CBLB: variants seen among roughly 807,000 people sequenced by gnomAD.
The protein encoded by CBLB is Cbl proto-oncogene B, also known as E3 ubiquitin-protein ligase CBL-B.
CBLB carries 31 observed loss-of-function variants against 104.9 expected under a neutral mutation model. The ratio of observed to expected loss-of-function variants is 0.30; its 90% confidence interval spans 0.22 to 0.40. CBLB has a LOEUF of 0.40. CBLB is among the 10% of genes least tolerant of loss of function. The probability of loss-of-function intolerance (pLI) is 1.00; values close to 1 mark genes in which losing one functional copy is unlikely to be tolerated. For missense variants in CBLB, 1,062 were observed against 1,214.6 expected (o/e 0.87, Z 1.87); for synonymous variants, 440 against 422.6 (o/e 1.04, Z -0.51).
intron 4 of CBLB, among the ~76,000 whole-genome samples, chr3:105,769,353 G>T (rs964244152): frequency 6.6e-6 from 1 of 152,042 alleles, no homozygotes; most frequent in Non-Finnish European, 1.5e-5. Context: ...AACATTCCAG[G>T]AAACGTGTCA....
intron 3 of CBLB, among the ~76,000 whole-genome samples, chr3:105,820,013 T>G (rs1461185667): frequency 6.6e-6 from 1 of 152,150 alleles, no homozygotes; most frequent in Admixed American, 6.5e-5. Flanking sequence ...TAATATATAA[T>G]GAAATAATTA....
At chr3:105,825,189 T>C (rs1429524193) in intron 3 of CBLB, among the ~76,000 whole-genome samples, 1 of 152,144 alleles carries the variant, frequency 6.6e-6, no homozygotes, top group East Asian at 1.9e-4. Context: ...CTGTAACATA[T>C]ACTAGTGGGA....
intron 2 of CBLB, among the ~76,000 whole-genome samples, chr3:105,865,009 A>T (rs996810978): frequency 6.6e-6 from 1 of 152,224 alleles, no homozygotes; most frequent in Non-Finnish European, 1.5e-5. Flanking sequence ...CCTACCAATT[A>T]GACTTGAAAA....
intron 3 of CBLB, among the ~76,000 whole-genome samples, chr3:105,814,486 T>C (rs2084741892): frequency 6.6e-6 from 1 of 152,174 alleles, no homozygotes; most frequent in African/African-American, 2.4e-5. Context: ...CTTCCACCAC[T>C]GAATATATTG....
At position 105,700,173 on chromosome 3, in the gene CBLB, A is replaced by G. The variant is rs557498310; in HGVS notation, c.1959+1921T>C. On this transcript the variant is annotated intron_variant, in intron 12 of 18. Coordinates refer to ENST00000394030, the MANE Select transcript of CBLB (RefSeq NM_170662.5). Reference sequence around the variant, plus strand: ...TAATAAAATAAAAACAGTATCTCATACCAATAACCTAAGAAATTGGGGTAA... The same window carrying G: ...TAATAAAATAAAAACAGTATCTCATGCCAATAACCTAAGAAATTGGGGTAA... 1.9e-4 allele frequency among the ~76,000 whole-genome samples: 29 copies of G among 152,270 alleles called. No individual in the cohort carries two copies. In the South Asian group the frequency reaches 6.0e-3, roughly 32 times the overall value.
At chr3:105,868,219 T>A (rs139104833) in intron 1 of CBLB, 1 of 1,232,590 alleles carries the variant, frequency 8.1e-7, no homozygotes, top group South Asian at 4.1e-5. Flanking sequence ...CCAAATGAAA[T>A]TAACACACAA....
intron 4 of CBLB, among the ~76,000 whole-genome samples, chr3:105,768,782 G>A (rs946964943): frequency 2.0e-5 from 3 of 152,118 alleles, no homozygotes; most frequent in South Asian, 2.1e-4. Context: ...CATAGATCAC[G>A]TAGAAGGGTG....
At chr3:105,865,274 T>C (rs1422879531) in intron 2 of CBLB, among the ~76,000 whole-genome samples, 5 of 152,212 alleles carry the variant, frequency 3.3e-5, no homozygotes, top group Non-Finnish European at 7.4e-5. Flanking sequence ...ATTTACTGTA[T>C]CTTACAGTAA....
At chr3:105,752,984 T>C (rs770117260) in intron 4 of CBLB, among the ~76,000 whole-genome samples, 2 of 152,178 alleles carry the variant, frequency 1.3e-5, no homozygotes, top group Non-Finnish European at 2.9e-5. Context: ...GAAATAAAGA[T>C]AACATCTTTG....
intron 3 of CBLB, among the ~76,000 whole-genome samples, chr3:105,796,512 A>G (rs1312989994): frequency 6.6e-6 from 1 of 152,228 alleles, no homozygotes; most frequent in African/African-American, 2.4e-5. Context: ...AGGAAATACC[A>G]TTCTGGACAT....
At chr3:105,864,507 C>T (rs892325648) in intron 2 of CBLB, among the ~76,000 whole-genome samples, 4 of 152,138 alleles carry the variant, frequency 2.6e-5, no homozygotes, top group South Asian at 2.1e-4. Context: ...GCTTCTGGGT[C>T]GGCTATCAAA....
intron 3 of CBLB, among the ~76,000 whole-genome samples, chr3:105,841,759 C>T (rs766536390): frequency 7.2e-5 from 11 of 151,974 alleles, no homozygotes; most frequent in African/African-American, 2.7e-4. Flanking sequence ...AGCCCAGAAC[C>T]CAAGATTTTA....
chr3:105,859,684 A>G (rs1427081991), intron 2 of CBLB, among the ~76,000 whole-genome samples: 1 of 144,708 alleles, frequency 6.9e-6, no homozygotes, highest in Admixed American at 6.9e-5. Flanking sequence ...AAAAAAAAAG[A>G]AAGCCCTGTC....
chr3:105,721,212 T>C (rs2072771053), intron 9 of CBLB, among the ~76,000 whole-genome samples: 1 of 152,182 alleles, frequency 6.6e-6, no homozygotes, highest in Admixed American at 6.5e-5. Flanking sequence ...AATAGCACCA[T>C]TTCAGTGGCA....
intron 16 of CBLB, among the ~76,000 whole-genome samples, chr3:105,680,470 T>G (rs977101976): frequency 5.9e-5 from 9 of 152,188 alleles, no homozygotes; most frequent in African/African-American, 1.9e-4. Flanking sequence ...TGAACAATGC[T>G]TATCCAGGTG....
In CBLB at chr3:105,704,057, A is replaced by C; in HGVS notation, c.1524T>G (p.Pro508=). Residue 508 remains proline (P), a synonymous_variant, in exon 11 of 19, where the codon CCT becomes CCG. Coordinates refer to ENST00000394030, the MANE Select transcript of CBLB (RefSeq NM_170662.5). ...CTTTCTGAATTAGATCCAGGCGAGG[A>C]GGCACGGGTGGCAGGCTTAGATGTG... The part of the protein sequence containing the change: ...QIPHLSLPPV[P]PRLDLIQKGI... 1 of 1,614,132 alleles carries C rather than the reference A, an allele frequency of 6.2e-7. No individual in the cohort carries two copies. The highest frequency in any genetic ancestry group is 8.5e-7 in the Non-Finnish European group (1 of 1,180,004).
At chr3:105,679,185 A>G (rs2152721605) in intron 16 of CBLB, among the ~76,000 whole-genome samples, 1 of 152,232 alleles carries the variant, frequency 6.6e-6, no homozygotes, top group East Asian at 1.9e-4. Flanking sequence ...GAACAGCTAA[A>G]TATAGAACCT....
At chr3:105,818,057 C>T (rs752804228) in intron 3 of CBLB, among the ~76,000 whole-genome samples, 2 of 152,056 alleles carry the variant, frequency 1.3e-5, no homozygotes, top group African/African-American at 2.4e-5. Context: ...CATGTGCTTT[C>T]CTTTAAATAT....
intron 13 of CBLB, among the ~76,000 whole-genome samples, chr3:105,686,153 C>G (rs571061645): frequency 6.6e-6 from 1 of 152,158 alleles, no homozygotes; most frequent in Non-Finnish European, 1.5e-5. Flanking sequence ...AAAACCATCA[C>G]CTAATATCAA....
Sources: allele counts gnomAD v4.1 joint callset (sites outside exome capture counted in the v4.1 genomes callset), GRCh38; gene constraint gnomAD v4.1.1; transcripts MANE v1.5; gene names NCBI Gene and HGNC (gene_info 2026-07-23, HGNC 2026-07-21).